Variants in FAAH2 observed in about 807,000 individuals in gnomAD.
FAAH2 encodes fatty acid amide hydrolase 2.
A neutral mutation model predicts 36.9 loss-of-function variants in FAAH2; 60 were observed. The ratio of observed to expected loss-of-function variants is 1.63; its 90% confidence interval spans 1.32 to 2.02. FAAH2 has a LOEUF of 2.02. Ranked by LOEUF, FAAH2 falls within the 30% of genes most tolerant of loss-of-function variation. FAAH2 has a pLI of 0.00. For missense variants in FAAH2, 689 were observed against 397.5 expected, an observed-to-expected ratio of 1.73 and a Z score of -6.23; for synonymous variants, 214 against 143.8, an observed-to-expected ratio of 1.49 and a Z score of -3.49.
intron 2 of FAAH2, among the ~76,000 whole-genome samples, chrX:57,300,520 G>T (rs2052322294): frequency 9.0e-6 from 1 of 111,452 alleles, no homozygotes; most frequent in Admixed American, 9.5e-5. Context: ...AAGAAAACCT[G>T]GGCAATACCA....
intron 7 of FAAH2, chrX:57,392,741 A>G (rs2055196251): frequency 1.1e-5 from 7 of 611,958 alleles, no homozygotes; most frequent in Admixed American, 2.2e-5. Flanking sequence ...TTCCTACTAA[A>G]GGGTACAGAA....
At chrX:57,444,446 A>G (rs771706246) in intron 8 of FAAH2, among the ~76,000 whole-genome samples, 56 of 111,963 alleles carry the variant, frequency 5.0e-4, no homozygotes, top group African/African-American at 1.6e-3. Flanking sequence ...CCGTTTGCTA[A>G]CGCCATTGGA....
intron 10 of FAAH2, among the ~76,000 whole-genome samples, chrX:57,458,639 C>A (rs1275583282): frequency 8.9e-6 from 1 of 112,191 alleles, no homozygotes; most frequent in Non-Finnish European, 1.9e-5. Flanking sequence ...GTAACCTAAT[C>A]ATCTCGCTGG....
chrX:57,169,557 TATATATATATATG>T, the FAAH2 span, among the ~76,000 whole-genome samples: 1 of 27,241 alleles, frequency 3.7e-5, no homozygotes, highest in South Asian at 2.1e-3. Context: ...TATATATATA[TATATATATATATG>T]GTTGTGATGG....
chrX:57,368,385 C>G (rs961671919), intron 5 of FAAH2, among the ~76,000 whole-genome samples: 2 of 111,035 alleles, frequency 1.8e-5, no homozygotes, highest in Non-Finnish European at 3.8e-5. Flanking sequence ...GCTCAGCACT[C>G]TCTTGATGTG....
chrX:57,139,762 T>C, the FAAH2 span, among the ~76,000 whole-genome samples: 1 of 111,721 alleles, frequency 9.0e-6, no homozygotes, highest in African/African-American at 3.3e-5. Flanking sequence ...CCCCATAGGT[T>C]TATAGTATAA....
At chrX:57,212,332 A>G in the FAAH2 span, among the ~76,000 whole-genome samples, 1 of 112,284 alleles carries the variant, frequency 8.9e-6, no homozygotes, top group Non-Finnish European at 1.9e-5. Context: ...GACACCTCCA[A>G]AGAAACACAG....
chrX:57,443,576 G>T (rs76209142), intron 8 of FAAH2, among the ~76,000 whole-genome samples: 1 of 111,784 alleles, frequency 8.9e-6, no homozygotes, highest in African/African-American at 3.3e-5. Flanking sequence ...GCTTGGAGAA[G>T]TTTGTTATTG....
chrX:57,406,397 A>G (rs2055567995), intron 7 of FAAH2, among the ~76,000 whole-genome samples: 1 of 111,658 alleles, frequency 9.0e-6, no homozygotes, highest in Non-Finnish European at 1.9e-5. Flanking sequence ...TCTACAGTAG[A>G]GTAGGGGATG....
At chrX:57,149,072 C>T in the FAAH2 span, among the ~76,000 whole-genome samples, 10 of 111,455 alleles carry the variant, frequency 9.0e-5, no homozygotes, top group South Asian at 7.6e-4. Flanking sequence ...TATTAATTTG[C>T]GTATGTTGAC....
intron 7 of FAAH2, among the ~76,000 whole-genome samples, chrX:57,411,938 C>T (rs921823692): frequency 8.9e-5 from 10 of 111,807 alleles, no homozygotes; most frequent in Non-Finnish European, 1.7e-4. Context: ...TGCAACTATT[C>T]CTATGGGAGT....
chrX:57,331,063 C>T (rs1480155486), intron 3 of FAAH2, among the ~76,000 whole-genome samples: 3 of 111,026 alleles, frequency 2.7e-5, no homozygotes, highest in East Asian at 5.7e-4. Flanking sequence ...TGACAGTTCC[C>T]CTAGGGCTTA....
intron 10 of FAAH2, among the ~76,000 whole-genome samples, chrX:57,481,856 G>A (rs1478628226): frequency 8.9e-6 from 1 of 111,993 alleles, no homozygotes; most frequent in Non-Finnish European, 1.9e-5. Flanking sequence ...TGCTCCCACA[G>A]CTACCCCTTC....
In FAAH2 at chrX:57,393,709, T is replaced by C. The variant is rs2055222570; in HGVS notation, c.996+12680T>C. 5.9e-6 allele frequency: 6 copies of C among 1,018,936 alleles called. No homozygotes were observed. In the South Asian group the frequency reaches 9.4e-5, roughly 16 times the overall value. The allele number at this position is 1,018,936 out of a possible 1,213,427, so 84.0% of individuals were successfully genotyped here. The stretch of plus-strand genomic sequence containing the variant: ...TGCCCAGTCTCTCTCTCCTGTCTTC[T>C]AGAGAAGTGGTGAGAGCCAGGACAG... On this transcript the variant is annotated intron_variant, in intron 7 of 10. Coordinates refer to ENST00000374900, the MANE Select transcript of FAAH2 (RefSeq NM_174912.4).
At chrX:57,143,283 T>A in the FAAH2 span, among the ~76,000 whole-genome samples, 1 of 110,783 alleles carries the variant, frequency 9.0e-6, no homozygotes, top group African/African-American at 3.3e-5. Flanking sequence ...TACAGGCTTT[T>A]GCTTCATGGA....
intron 5 of FAAH2, among the ~76,000 whole-genome samples, chrX:57,343,992 A>T (rs1171674503): frequency 9.0e-6 from 1 of 110,834 alleles, no homozygotes; most frequent in Non-Finnish European, 1.9e-5. Context: ...TACCAGCTTC[A>T]TGTGGTTTTG....
the FAAH2 span, among the ~76,000 whole-genome samples, chrX:57,170,941 C>T: frequency 9.1e-6 from 1 of 110,303 alleles, no homozygotes; most frequent in African/African-American, 3.3e-5. Context: ...AACTCCTGAC[C>T]TTAAGTGATC....
chrX:57,164,348 A>G, the FAAH2 span, among the ~76,000 whole-genome samples: 1 of 112,241 alleles, frequency 8.9e-6, no homozygotes, highest in African/African-American at 3.2e-5. Flanking sequence ...AAAGGTACAT[A>G]GATTAGGACT....
At chrX:57,320,063 C>T (rs1459808352) in intron 3 of FAAH2, among the ~76,000 whole-genome samples, 1 of 111,669 alleles carries the variant, frequency 9.0e-6, no homozygotes, top group African/African-American at 3.3e-5. Flanking sequence ...CCATAAAAAC[C>T]CTAGAAGGAA....
Sources: gnomAD v4.1 joint callset for allele counts (sites outside exome capture counted in the v4.1 genomes callset) on GRCh38, gnomAD v4.1.1 for gene constraint, MANE v1.5 for transcripts, NCBI Gene and HGNC (gene_info 2026-07-23, HGNC 2026-07-21) for gene names.